ASIC2: variants seen among roughly 807,000 people sequenced by gnomAD.
ASIC2 encodes acid-sensing ion channel 2.
ASIC2 carries 25 observed loss-of-function variants against 57.3 expected under a neutral mutation model. That is an observed-to-expected ratio of 0.44 (90% CI 0.32 to 0.61). The LOEUF is 0.61. Ranked by LOEUF, ASIC2 falls within the 20% of genes least tolerant of loss-of-function variation. The pLI, the probability that ASIC2 is intolerant of heterozygous loss-of-function variation, is 0.06. For synonymous variants in ASIC2, 319 were observed against 307.5 expected, an observed-to-expected ratio of 1.04 and a Z score of -0.39; for missense variants, 641 against 738.1, an observed-to-expected ratio of 0.87 and a Z score of 1.52.
At chr17:33,757,414 G>A (rs78312088) in intron 1 of ASIC2, among the ~76,000 whole-genome samples, 12,794 of 152,168 alleles carry the variant, frequency 0.084, 553 homozygotes, top group African/African-American at 0.094. Context: ...GCTTGAGGTC[G>A]GGAGTTCGAG....
intron 1 of ASIC2, among the ~76,000 whole-genome samples, chr17:33,849,943 T>C (rs1040697410): frequency 2.0e-5 from 3 of 152,212 alleles, no homozygotes; most frequent in Non-Finnish European, 4.4e-5. Context: ...GCTGTTATAG[T>C]CCTAGGCAAT....
At chr17:33,607,578 T>G (rs1489959145) in intron 1 of ASIC2, among the ~76,000 whole-genome samples, 1 of 152,226 alleles carries the variant, frequency 6.6e-6, no homozygotes, top group Non-Finnish European at 1.5e-5. Context: ...TCTCATTTTC[T>G]GTGTGGGAAT....
intron 1 of ASIC2, among the ~76,000 whole-genome samples, chr17:34,105,311 T>C (rs193169555): frequency 6.6e-6 from 1 of 151,950 alleles, no homozygotes; most frequent in African/African-American, 2.4e-5. Flanking sequence ...TCTTAATTCA[T>C]GTTATTATAC....
chr17:33,188,027 T>G (rs1906271501), intron 1 of ASIC2, among the ~76,000 whole-genome samples: 1 of 152,016 alleles, frequency 6.6e-6, no homozygotes, highest in Non-Finnish European at 1.5e-5. Flanking sequence ...ATAATCAGTT[T>G]AGTAGTCAAG....
chr17:33,883,204 C>T (rs1348208810), intron 1 of ASIC2, among the ~76,000 whole-genome samples: 2 of 152,008 alleles, frequency 1.3e-5, no homozygotes, highest in Non-Finnish European at 2.9e-5. Flanking sequence ...TGTAACAAAC[C>T]TGCACGTTGT....
At chr17:33,567,612 G>C (rs1597788088) in intron 1 of ASIC2, among the ~76,000 whole-genome samples, 1 of 152,180 alleles carries the variant, frequency 6.6e-6, no homozygotes, top group Non-Finnish European at 1.5e-5. Context: ...CCTGTGGAGG[G>C]AGAGTCAATA....
At chr17:33,476,644 G>C (rs1913238954) in intron 1 of ASIC2, among the ~76,000 whole-genome samples, 1 of 151,738 alleles carries the variant, frequency 6.6e-6, no homozygotes, top group Non-Finnish European at 1.5e-5. Flanking sequence ...GAACTTCCAA[G>C]AGGGGGTGCA....
At chr17:33,490,165 T>C (rs1024446617) in intron 1 of ASIC2, among the ~76,000 whole-genome samples, 17 of 152,254 alleles carry the variant, frequency 1.1e-4, no homozygotes, top group African/African-American at 4.1e-4. Context: ...ACTTTCACAT[T>C]ATAAGGTAGA....
chr17:33,656,629 C>G (rs1907084975), intron 1 of ASIC2, among the ~76,000 whole-genome samples: 1 of 152,142 alleles, frequency 6.6e-6, no homozygotes, highest in Admixed American at 6.5e-5. Context: ...TTCTTCAAGT[C>G]TCATTTTAGA....
chr17:33,398,438 C>A (rs1597714109), intron 1 of ASIC2, among the ~76,000 whole-genome samples: 1 of 152,132 alleles, frequency 6.6e-6, no homozygotes, highest in Non-Finnish European at 1.5e-5. Flanking sequence ...ACCAAGACAG[C>A]ATTGGGCCTC....
intron 1 of ASIC2, among the ~76,000 whole-genome samples, chr17:33,118,755 G>T: frequency 6.6e-6 from 1 of 152,156 alleles, no homozygotes; most frequent in Non-Finnish European, 1.5e-5. Flanking sequence ...GTAGAGATCT[G>T]ACCTGGGCTT....
At chr17:34,127,061 T>C (rs1393102375) in intron 1 of ASIC2, among the ~76,000 whole-genome samples, 2 of 152,210 alleles carry the variant, frequency 1.3e-5, no homozygotes, top group African/African-American at 4.8e-5. Flanking sequence ...AGTCTGCCTG[T>C]AGGCTCCCAG....
chr17:33,778,775 C>T lies in ASIC2; in HGVS notation c.555+377203G>A, dbSNP rs114340016. ...ACTAAACGCACAGGGTATTGATGCA[C>T]GTTAAGTGAGATAATGTCTAGACTG... On this transcript the variant is annotated intron_variant, in intron 1 of 9. Transcript: ENST00000359872. Among the ~76,000 whole-genome samples the T allele has an allele frequency of 4.8e-3, 736 of 152,216 alleles. 10 individuals are homozygous for T. The highest frequency in any genetic ancestry group is 0.017 in the African/African-American group (703 of 41,528).
At chr17:33,107,611 G>T (rs2092240194) in intron 2 of ASIC2, among the ~76,000 whole-genome samples, 2 of 152,180 alleles carry the variant, frequency 1.3e-5, no homozygotes, top group African/African-American at 4.8e-5. Flanking sequence ...TTGGTGTGGG[G>T]CATTGTCTGC....
intron 1 of ASIC2, among the ~76,000 whole-genome samples, chr17:33,385,355 C>A (rs1302864171): frequency 6.6e-6 from 1 of 152,158 alleles, no homozygotes; most frequent in South Asian, 2.1e-4. Context: ...CTGCTTTCTC[C>A]TGAGTGAACC....
chr17:33,613,624 C>T (rs747204828), intron 1 of ASIC2, among the ~76,000 whole-genome samples: 48 of 152,302 alleles, frequency 3.2e-4, no homozygotes, highest in Admixed American at 1.1e-3. Flanking sequence ...ACCTCAGCCT[C>T]TCAAAGTGCT....
intron 1 of ASIC2, among the ~76,000 whole-genome samples, chr17:34,044,295 T>C (rs1316070738): frequency 6.6e-6 from 1 of 152,168 alleles, no homozygotes; most frequent in Non-Finnish European, 1.5e-5. Context: ...GAATGCAGGC[T>C]TCCAGATGGG....
At chr17:34,020,195 T>C (rs1161919164) in intron 1 of ASIC2, among the ~76,000 whole-genome samples, 1 of 152,110 alleles carries the variant, frequency 6.6e-6, no homozygotes, top group Non-Finnish European at 1.5e-5. Flanking sequence ...TTTATCAGTG[T>C]ATTTTGCCCT....
At chr17:33,519,097 G>A (rs886340597) in intron 1 of ASIC2, among the ~76,000 whole-genome samples, 4 of 152,192 alleles carry the variant, frequency 2.6e-5, no homozygotes, top group Non-Finnish European at 4.4e-5. Flanking sequence ...TGGGATTACA[G>A]GCGTGAGCCA....
Sources: allele counts gnomAD v4.1 joint callset (sites outside exome capture counted in the v4.1 genomes callset), GRCh38; gene constraint gnomAD v4.1.1; transcripts MANE v1.5; gene names NCBI Gene and HGNC (gene_info 2026-07-23, HGNC 2026-07-21).